The following KPNA1 variants were observed in gnomAD, a reference collection of about 807,000 sequenced individuals.
KPNA1 encodes karyopherin subunit alpha 1.
KPNA1 carries 10 observed loss-of-function variants against 70.5 expected under a neutral mutation model. The ratio of observed to expected loss-of-function variants is 0.14; its 90% CI spans 0.09 to 0.24. KPNA1 has a LOEUF of 0.24. KPNA1 is among the 10% of genes least tolerant of loss of function. KPNA1 has a pLI of 1.00. For missense variants in KPNA1, 397 were observed against 637.9 expected, an observed-to-expected ratio of 0.62 and a Z score of 4.07; for synonymous variants, 192 against 221.9, an observed-to-expected ratio of 0.87 and a Z score of 1.20.
intron 1 of KPNA1, among the ~76,000 whole-genome samples, chr3:122,505,074 C>T (rs911958538): frequency 1.3e-4 from 20 of 151,834 alleles, no homozygotes; most frequent in African/African-American, 4.1e-4. Context: ...GGCCAAGGGG[C>T]GGGCAGATCA....
At chr3:122,464,243 A>G in intron 3 of KPNA1, 1 of 388,696 alleles carries the variant, frequency 2.6e-6, no homozygotes, top group Non-Finnish European at 4.5e-6. Flanking sequence ...ATCATTAAAA[A>G]GCTCACAGTA....
intron 1 of KPNA1, among the ~76,000 whole-genome samples, chr3:122,501,515 T>C (rs984351481): frequency 4.6e-5 from 7 of 152,220 alleles, no homozygotes; most frequent in Non-Finnish European, 8.8e-5. Context: ...CACATATTGG[T>C]GAGTTTCTCA....
chr3:122,476,881 A>AAAAAAAAAAAAAAAAAAAG (rs1560042634), intron 2 of KPNA1, among the ~76,000 whole-genome samples: 1 of 149,930 alleles, frequency 6.7e-6, no homozygotes, highest in African/African-American at 2.5e-5. Flanking sequence ...AAAAAAAAAA[A>AAAAAAAAAAAAAAAAAAAG]AAACTAAAAA....
intron 9 of KPNA1, among the ~76,000 whole-genome samples, chr3:122,445,553 C>A (rs2076126199): frequency 6.6e-6 from 1 of 152,152 alleles, no homozygotes; most frequent in South Asian, 2.1e-4. Flanking sequence ...CCGGTACCAG[C>A]CACTGCAAAA....
At chr3:122,514,300 G>A (rs2076990848) in intron 1 of KPNA1, among the ~76,000 whole-genome samples, 1 of 151,988 alleles carries the variant, frequency 6.6e-6, no homozygotes, top group Admixed American at 6.5e-5. Flanking sequence ...CTTTTTGCCA[G>A]GGTTAGAATT....
chr3:122,485,152 A>C (rs764689611), intron 2 of KPNA1, among the ~76,000 whole-genome samples: 21 of 152,104 alleles, frequency 1.4e-4, no homozygotes, highest in Non-Finnish European at 2.5e-4. Flanking sequence ...GTGCTTAAGC[A>C]ATCTTCCCGC....
intron 10 of KPNA1, 31 bp from the exon 11 acceptor site, chr3:122,437,326 T>A (rs368905246): frequency 6.5e-7 from 1 of 1,535,988 alleles, no homozygotes; most frequent in Admixed American, 1.9e-5. Context: ...ATTTTACTTA[T>A]TGTATTGTTC....
At chr3:122,453,815 C>T (rs1234519698) in intron 6 of KPNA1, 55 bp downstream of exon 6, 17 of 1,548,042 alleles carry the variant, frequency 1.1e-5, no homozygotes, top group South Asian at 7.3e-5. Context: ...CAGGAGTGAG[C>T]GACATGCCCA....
rs188128367 is a variant in KPNA1 at position 122,514,178 on chromosome 3, G to A, written c.-6+579C>T. On this transcript the variant is annotated intron_variant, in intron 1 of 13. Coordinates refer to ENST00000344337, the MANE Select transcript of KPNA1 (RefSeq NM_002264.4). ...CGATCAGCCGCTCCAGGCCCATGTT[G>A]TTATGACATCGGTAAACTGCAGCCG... Among the ~76,000 whole-genome samples the A allele has an allele frequency of 2.2e-3, 330 of 152,116 alleles. 3 individuals carry two copies. The highest frequency in any genetic ancestry group is 7.8e-3 in the African/African-American group (323 of 41,488).
chr3:122,486,085 T>C (rs1202275957), intron 2 of KPNA1, among the ~76,000 whole-genome samples: 2 of 152,166 alleles, frequency 1.3e-5, no homozygotes, highest in East Asian at 1.9e-4. Flanking sequence ...CTCCTAAGTA[T>C]ACACCAGCTA....
At chr3:122,446,131 A>G (rs1315664414) in intron 9 of KPNA1, among the ~76,000 whole-genome samples, 1 of 152,220 alleles carries the variant, frequency 6.6e-6, no homozygotes, top group Non-Finnish European at 1.5e-5. Context: ...AAGGTTAACA[A>G]GGATATCCAG....
At chr3:122,434,681 A>G (rs528216963) in intron 11 of KPNA1, among the ~76,000 whole-genome samples, 25 of 152,328 alleles carry the variant, frequency 1.6e-4, no homozygotes, top group African/African-American at 5.3e-4. Flanking sequence ...GATTACCAAA[A>G]TAAGACTTAT....
chr3:122,489,057 C>CGTGTGTGTGTGTGTGTGT (rs34002370), intron 2 of KPNA1, among the ~76,000 whole-genome samples: 1 of 130,728 alleles, frequency 7.6e-6, no homozygotes, highest in East Asian at 2.2e-4. Flanking sequence ...TTTTTGCGTG[C>CGTGTGTGTGTGTGTGTGT]GTGTGTGTGT....
chr3:122,427,311 T>G, intron 13 of KPNA1, 139 bp from the exon 14 acceptor site: 1 of 750,864 alleles, frequency 1.3e-6, no homozygotes, highest in East Asian at 2.7e-5. Context: ...ATCTCATAAG[T>G]ATTTTATAAT....
chr3:122,454,046 AGTTT>A (rs1387256600), intron 5 of KPNA1, 45 bp from the exon 6 acceptor site: 7 of 1,400,342 alleles, frequency 5.0e-6, no homozygotes, highest in African/African-American at 1.5e-5. Context: ...AGAATGTAAA[AGTTT>A]GTTTACTTAT....
chr3:122,471,043 G>A (rs578163728), intron 2 of KPNA1, among the ~76,000 whole-genome samples: 51 of 152,226 alleles, frequency 3.4e-4, no homozygotes, highest in African/African-American at 1.1e-3. Flanking sequence ...TTGGTTCAAG[G>A]TTGTTGGGGA....
chr3:122,480,661 T>G (rs1576327518), intron 2 of KPNA1, among the ~76,000 whole-genome samples: 1 of 151,598 alleles, frequency 6.6e-6, no homozygotes, highest in African/African-American at 2.4e-5. Flanking sequence ...TTTTTTAAAC[T>G]TTTCTCATTT....
intron 1 of KPNA1, among the ~76,000 whole-genome samples, chr3:122,507,349 G>A (rs1408036029): frequency 2.0e-5 from 3 of 151,082 alleles, no homozygotes. Context: ...GTTGAGGCAG[G>A]AGAATCACTT....
At chr3:122,513,086 T>G (rs1559776393) in intron 1 of KPNA1, among the ~76,000 whole-genome samples, 2 of 152,104 alleles carry the variant, frequency 1.3e-5, no homozygotes, top group Non-Finnish European at 2.9e-5. Flanking sequence ...ACGGATTAAA[T>G]AAAGAAAACA....
Sources: allele counts gnomAD v4.1 joint callset (sites outside exome capture counted in the v4.1 genomes callset), GRCh38; gene constraint gnomAD v4.1.1; transcripts MANE v1.5; gene names NCBI Gene and HGNC (gene_info 2026-07-23, HGNC 2026-07-21).